The following MARCHF1 variants were observed in gnomAD, a reference collection of about 807,000 sequenced individuals.
MARCHF1 encodes membrane associated ring-CH-type finger 1, also known as E3 ubiquitin-protein ligase MARCHF1.
Under a neutral mutation model 54.2 loss-of-function variants are expected in MARCHF1, and 40 were observed. The ratio of observed to expected loss-of-function variants is 0.74; its 90% CI spans 0.57 to 0.96. The LOEUF (loss-of-function observed/expected upper bound fraction) is 0.96, where lower values mean the gene tolerates loss of function less well. Ranked by LOEUF, MARCHF1 falls within the 40% of genes least tolerant of loss-of-function variation. The probability of loss-of-function intolerance (pLI) is 0.00; values close to 1 mark genes in which losing one functional copy is unlikely to be tolerated. For missense variants in MARCHF1, 586 were observed against 656.5 expected (o/e 0.89, Z 1.17); for synonymous variants, 236 against 236.3 (o/e 1.00, Z 0.01).
intron 5 of MARCHF1, among the ~76,000 whole-genome samples, chr4:163,671,974 TAAAG>T (rs1743751846): frequency 6.6e-6 from 1 of 152,198 alleles, no homozygotes; most frequent in African/African-American, 2.4e-5. Context: ...ATTGTTCAGA[TAAAG>T]AAAAGATGAA....
chr4:164,351,035 G>T (rs1197303280), intron 1 of MARCHF1, among the ~76,000 whole-genome samples: 1 of 152,036 alleles, frequency 6.6e-6, no homozygotes, highest in Non-Finnish European at 1.5e-5. Flanking sequence ...ACTCCCACCC[G>T]AATACTGCGC....
At chr4:163,570,902 A>C (rs979320900) in intron 8 of MARCHF1, among the ~76,000 whole-genome samples, 1 of 152,052 alleles carries the variant, frequency 6.6e-6, no homozygotes, top group Non-Finnish European at 1.5e-5. Context: ...ATTTTTCATC[A>C]TAAAACAAGA....
At chr4:163,707,271 T>A (rs1744976367) in intron 4 of MARCHF1, among the ~76,000 whole-genome samples, 2 of 151,972 alleles carry the variant, frequency 1.3e-5, no homozygotes, top group Non-Finnish European at 1.5e-5. Context: ...TTAAAGTGAG[T>A]AAACAATTGT....
At chr4:163,726,866 T>C (rs141881369) in intron 4 of MARCHF1, among the ~76,000 whole-genome samples, 2 of 152,258 alleles carry the variant, frequency 1.3e-5, no homozygotes. Context: ...TCTCTTCATA[T>C]GCTTATTTGC....
chr4:163,852,811 T>A (rs2111167117), intron 4 of MARCHF1, among the ~76,000 whole-genome samples: 1 of 152,196 alleles, frequency 6.6e-6, no homozygotes, highest in East Asian at 1.9e-4. Flanking sequence ...GTCTGAATAT[T>A]TGTATCCTCC....
chr4:163,698,104 A>T (rs936407102), intron 5 of MARCHF1, among the ~76,000 whole-genome samples: 3 of 152,174 alleles, frequency 2.0e-5, no homozygotes, highest in African/African-American at 4.8e-5. Flanking sequence ...CTTACTAGGG[A>T]TGTTAAATAA....
At chr4:163,728,237 A>G (rs1022540104) in intron 4 of MARCHF1, among the ~76,000 whole-genome samples, 4 of 152,166 alleles carry the variant, frequency 2.6e-5, no homozygotes, top group African/African-American at 7.2e-5. Context: ...TACTGTCTTG[A>G]TTGCTGTAGT....
intron 3 of MARCHF1, among the ~76,000 whole-genome samples, chr4:163,943,137 T>C (rs1751949946): frequency 1.3e-5 from 2 of 152,206 alleles, no homozygotes; most frequent in South Asian, 4.1e-4. Context: ...TCCCATTCTG[T>C]AGTTTATATG....
At chr4:164,139,678 G>A (rs1196608929) in intron 1 of MARCHF1, among the ~76,000 whole-genome samples, 1 of 152,026 alleles carries the variant, frequency 6.6e-6, no homozygotes, top group Non-Finnish European at 1.5e-5. Context: ...TGCTTACTCA[G>A]CGCAGGAGTA....
Position 163,612,324 on chromosome 4 carries a change from A to C in MARCHF1, c.957T>G (p.Val319=), listed in dbSNP as rs1159937617. 1 of 1,531,778 alleles carries C rather than the reference A, an allele frequency of 6.5e-7. No homozygotes were observed. The highest frequency in any genetic ancestry group is 1.2e-5 in the South Asian group (1 of 83,264). The allele number at this position is 1,531,778 out of a possible 1,614,324, so 94.9% of individuals were successfully genotyped here. ...NDAGLQVNNP[V]QKPPATYDDG... ...CGTCATAGGTGGCAGGAGGCTTCTG[A>C]ACAGGGTTATTCACCTGGAGCCCTG... The change falls in exon 7 of 10, where the codon GTT becomes GTG. Residue 319 remains valine, a synonymous_variant. Transcript: ENST00000514618.
At chr4:164,201,718 A>G (rs1731459391) in intron 1 of MARCHF1, among the ~76,000 whole-genome samples, 1 of 152,200 alleles carries the variant, frequency 6.6e-6, no homozygotes, top group Non-Finnish European at 1.5e-5. Flanking sequence ...TTGAGCAGCT[A>G]GAGGGATTTG....
chr4:163,555,827 T>C (rs1200438005), intron 8 of MARCHF1: 1 of 398,644 alleles, frequency 2.5e-6, no homozygotes, highest in African/African-American at 2.1e-5. Context: ...CCCATTTCTG[T>C]TGTGGGCTCT....
chr4:164,244,044 T>C (rs1411135807), intron 1 of MARCHF1, among the ~76,000 whole-genome samples: 2 of 152,088 alleles, frequency 1.3e-5, no homozygotes, highest in Non-Finnish European at 2.9e-5. Context: ...ATTAGACAGA[T>C]CAACGAGACA....
chr4:164,372,956 C>T (rs1159643256), intron 1 of MARCHF1, among the ~76,000 whole-genome samples: 1 of 152,048 alleles, frequency 6.6e-6, no homozygotes, highest in Non-Finnish European at 1.5e-5. Context: ...CTTCGCATTT[C>T]CTTCATGTCT....
rs1393745834 is a variant in MARCHF1 at position 163,733,215 on chromosome 4, A to ACACATGTG, written c.112-32353_112-32352insCACATGTG. Reference sequence around the variant, plus strand: ...TATATATATATATATATATATATATATATATACACGTGTATATATATATAT... The same window carrying ACACATGTG: ...TATATATATATATATATATATATATACACATGTGTATATACACGTGTATATATATATAT... On this transcript the variant is annotated intron_variant, in intron 4 of 9. Transcript: ENST00000514618. Among the ~76,000 whole-genome samples the ACACATGTG allele has an allele frequency of 1.7e-4, 6 of 35,154 alleles. 1 individual carries two copies. The highest frequency in any genetic ancestry group is 2.8e-3 in the South Asian group (2 of 706). 23.1% of individuals were successfully genotyped at this position (35,154 alleles called of 152,430 possible). A position where few individuals can be genotyped will look rare whatever the true frequency, so the allele number is the denominator to read the frequency against.
At chr4:163,712,054 A>C (rs1023546045) in intron 4 of MARCHF1, among the ~76,000 whole-genome samples, 3 of 152,304 alleles carry the variant, frequency 2.0e-5, no homozygotes, top group African/African-American at 7.2e-5. Context: ...TTTCTGTATA[A>C]GAGTTATATT....
At chr4:163,963,997 G>T (rs1752391265) in intron 3 of MARCHF1, among the ~76,000 whole-genome samples, 1 of 151,888 alleles carries the variant, frequency 6.6e-6, no homozygotes, top group Non-Finnish European at 1.5e-5. Flanking sequence ...CTAATAAATT[G>T]TTGGTTGTTT....
intron 2 of MARCHF1, among the ~76,000 whole-genome samples, chr4:164,097,852 A>T (rs1374832848): frequency 6.6e-6 from 1 of 152,178 alleles, no homozygotes; most frequent in Non-Finnish European, 1.5e-5. Flanking sequence ...TTTATTTGGA[A>T]GGCTAGGCAG....
intron 5 of MARCHF1, among the ~76,000 whole-genome samples, chr4:163,651,868 A>T (rs1560999219): frequency 6.6e-6 from 1 of 150,498 alleles, no homozygotes; most frequent in Non-Finnish European, 1.5e-5. Context: ...TCCTAATTGG[A>T]TTATTTTCAA....
Sources: allele counts gnomAD v4.1 joint callset (sites outside exome capture counted in the v4.1 genomes callset), GRCh38; gene constraint gnomAD v4.1.1; transcripts MANE v1.5; gene names NCBI Gene and HGNC (gene_info 2026-07-23, HGNC 2026-07-21).